The following CPPED1 variants were observed in gnomAD, a reference collection of about 807,000 sequenced individuals.
CPPED1 encodes serine/threonine-protein phosphatase CPPED1.
CPPED1 carries 28 observed loss-of-function variants against 28.0 expected under a neutral mutation model. The ratio of observed to expected loss-of-function variants is 1.00; its 90% CI spans 0.74 to 1.37. The LOEUF (loss-of-function observed/expected upper bound fraction) is 1.37. Among genes scored for constraint, CPPED1 ranks in the 40% most tolerant of loss-of-function variants. The pLI, the probability that CPPED1 is intolerant of heterozygous loss-of-function variation, is 0.00. For synonymous variants in CPPED1, 198 were observed against 180.2 expected (o/e 1.10, Z -0.79); for missense variants, 504 against 416.5 (o/e 1.21, Z -1.83).
intron 3 of CPPED1, among the ~76,000 whole-genome samples, chr16:12,700,058 C>T (rs1007719458): frequency 6.6e-6 from 1 of 152,204 alleles, no homozygotes; most frequent in African/African-American, 2.4e-5. Flanking sequence ...ACATCCGACT[C>T]ATATTTCCTT....
chr16:12,757,315 C>A (rs906297790), intron 2 of CPPED1, among the ~76,000 whole-genome samples: 3 of 152,060 alleles, frequency 2.0e-5, no homozygotes, highest in Admixed American at 6.6e-5. Context: ...AAGACAGATT[C>A]CAAAGCATAA....
chr16:12,722,962 G>A (rs60841697), intron 2 of CPPED1, among the ~76,000 whole-genome samples: 1 of 152,222 alleles, frequency 6.6e-6, no homozygotes, highest in East Asian at 1.9e-4. Flanking sequence ...AAGACATCGG[G>A]ATACCCACTT....
At chr16:12,752,341 G>A (rs1190193559) in intron 2 of CPPED1, among the ~76,000 whole-genome samples, 2 of 152,006 alleles carry the variant, frequency 1.3e-5, no homozygotes, top group East Asian at 3.8e-4. Flanking sequence ...TTAATGAGTT[G>A]TCATGCTTGA....
At chr16:12,705,306 T>A (rs1411796813) in intron 2 of CPPED1, among the ~76,000 whole-genome samples, 1 of 152,158 alleles carries the variant, frequency 6.6e-6, no homozygotes, top group Non-Finnish European at 1.5e-5. Flanking sequence ...TGCTGAGTGA[T>A]GGTGTGAAGT....
intron 2 of CPPED1, among the ~76,000 whole-genome samples, chr16:12,742,325 C>T (rs776698568): frequency 1.8e-4 from 28 of 151,944 alleles, no homozygotes; most frequent in East Asian, 3.9e-4. Flanking sequence ...ATGAGGAGCC[C>T]GTGAAATAAC....
chr16:12,722,689 G>T (rs964290949), intron 2 of CPPED1, among the ~76,000 whole-genome samples: 8 of 152,196 alleles, frequency 5.3e-5, no homozygotes, highest in African/African-American at 1.9e-4. Flanking sequence ...TTGCACCACT[G>T]GACTCCAACC....
rs1054578918 is a variant in CPPED1, at chr16:12,662,418, T to C, written c.*2468A>G. The C allele has an allele frequency of 1.3e-5, 2 of 152,228 alleles. No individual in the cohort carries two copies. The highest frequency in any genetic ancestry group is 4.8e-5 in the African/African-American group (2 of 41,450). 9.4% of individuals were successfully genotyped at this position (152,228 alleles called of 1,614,324 possible). ...ATTAAATTTGTATAAATATAAGGCGTACAAGTGCAGTTTTGTTACACGGAT... is the reference window on the plus strand; with the variant it reads ...ATTAAATTTGTATAAATATAAGGCGCACAAGTGCAGTTTTGTTACACGGAT... On this transcript the variant is annotated 3_prime_UTR_variant, in exon 4 of 4. Coordinates refer to ENST00000381774, the MANE Select transcript of CPPED1 (RefSeq NM_018340.3).
chr16:12,708,108 C>T (rs1420451531), intron 2 of CPPED1, among the ~76,000 whole-genome samples: 2 of 152,092 alleles, frequency 1.3e-5, no homozygotes, highest in Admixed American at 6.6e-5. Context: ...GACCGTGCCA[C>T]TGCACTCCAG....
intron 2 of CPPED1, among the ~76,000 whole-genome samples, chr16:12,705,367 AAT>A: frequency 6.6e-6 from 1 of 152,206 alleles, no homozygotes; most frequent in Non-Finnish European, 1.5e-5. Flanking sequence ...TCACACCTGT[AAT>A]ACCAACACTT....
chr16:12,784,478 C>A (rs1218385235), intron 1 of CPPED1, among the ~76,000 whole-genome samples: 1 of 151,682 alleles, frequency 6.6e-6, no homozygotes, highest in Admixed American at 6.6e-5. Flanking sequence ...GTAACAGATC[C>A]CTACAAATGA....
At chr16:12,761,451 C>T (rs1340180039) in intron 2 of CPPED1, among the ~76,000 whole-genome samples, 2 of 152,098 alleles carry the variant, frequency 1.3e-5, no homozygotes, top group Non-Finnish European at 2.9e-5. Flanking sequence ...AAAAGTACAA[C>T]TATTTCATAA....
chr16:12,700,539 C>T (rs773091772), intron 3 of CPPED1, among the ~76,000 whole-genome samples: 3 of 152,204 alleles, frequency 2.0e-5, no homozygotes, highest in Admixed American at 6.5e-5. Context: ...TACAGGTGGG[C>T]ACCACCAGGC....
At chr16:12,747,693 C>T (rs146366684) in intron 2 of CPPED1, among the ~76,000 whole-genome samples, 15 of 152,286 alleles carry the variant, frequency 9.8e-5, no homozygotes, top group African/African-American at 3.6e-4. Flanking sequence ...GCTAGAATTA[C>T]AGGCATGAGC....
At chr16:12,765,508 G>A (rs369225522) in intron 2 of CPPED1, among the ~76,000 whole-genome samples, 6 of 151,792 alleles carry the variant, frequency 4.0e-5, no homozygotes, top group African/African-American at 1.5e-4. Context: ...ATGTGCTTTC[G>A]GGAAAAAAAA....
intron 2 of CPPED1, among the ~76,000 whole-genome samples, chr16:12,731,446 G>C (rs983873152): frequency 1.3e-5 from 2 of 151,510 alleles, no homozygotes; most frequent in Non-Finnish European, 2.9e-5. Flanking sequence ...TGGGTCCCCC[G>C]GGGAAAACAA....
intron 1 of CPPED1, among the ~76,000 whole-genome samples, chr16:12,785,562 C>T (rs915875091): frequency 1.3e-4 from 20 of 151,716 alleles, no homozygotes; most frequent in African/African-American, 4.4e-4. Context: ...CGAGTAGCTG[C>T]GATTACAGGC....
intron 3 of CPPED1, among the ~76,000 whole-genome samples, chr16:12,703,328 G>A (rs2080030230): frequency 6.6e-6 from 1 of 152,258 alleles, no homozygotes; most frequent in Non-Finnish European, 1.5e-5. Context: ...GCTCACACCT[G>A]TAATCCCAGC....
At chr16:12,695,962 T>G (rs1474610321) in intron 3 of CPPED1, among the ~76,000 whole-genome samples, 1 of 152,236 alleles carries the variant, frequency 6.6e-6, no homozygotes, top group Non-Finnish European at 1.5e-5. Context: ...ATTTTATCAC[T>G]ACATTCTGTA....
rs2080674568 is a variant in CPPED1, at chr16:12,803,651, C to T, written c.70+56G>A. 2.9e-6 allele frequency: 4 copies of T among 1,365,100 alleles called. No homozygotes were observed. In the Admixed American group the frequency reaches 1.0e-4, roughly 35 times the overall value. The allele number at this position is 1,365,100 out of a possible 1,614,324, so 84.6% of individuals were successfully genotyped here. A position where few individuals can be genotyped will look rare whatever the true frequency, so the allele number is the denominator to read the frequency against. ...CGCACACCTGAACAAAAGGTTCCCC[C>T]GGCGGAAGGTTCCGCAGCCCCAGAG... On this transcript the variant is annotated intron_variant, in intron 1 of 3. Coordinates refer to ENST00000381774, the MANE Select transcript of CPPED1 (RefSeq NM_018340.3).
Sources: allele counts gnomAD v4.1 joint callset (sites outside exome capture counted in the v4.1 genomes callset), GRCh38; gene constraint gnomAD v4.1.1; transcripts MANE v1.5; gene names NCBI Gene and HGNC (gene_info 2026-07-23, HGNC 2026-07-21).